UNC13C: variants seen among roughly 807,000 people sequenced by gnomAD.
UNC13C encodes protein unc-13 homolog C.
In UNC13C, 174 loss-of-function variants were observed where a neutral mutation model predicts 245.4. The ratio of observed to expected loss-of-function variants is 0.71; its 90% confidence interval spans 0.63 to 0.80. The LOEUF is 0.80. UNC13C is among the 30% of genes least tolerant of loss of function. The pLI, the probability that UNC13C is intolerant of heterozygous loss-of-function variation, is 0.00. For missense variants in UNC13C, 2,829 were observed against 2,602.9 expected (o/e 1.09, Z -1.89); for synonymous variants, 992 against 895.1 (o/e 1.11, Z -1.93).
At chr15:54,021,037 A>G (rs76608855) in intron 2 of UNC13C, among the ~76,000 whole-genome samples, 2,766 of 152,172 alleles carry the variant, frequency 0.018, 37 homozygotes, top group Non-Finnish European at 0.028. Flanking sequence ...TTTAATTGAC[A>G]TTTTTATTTG....
chr15:54,082,738 C>T (rs866139155), intron 2 of UNC13C, among the ~76,000 whole-genome samples: 4 of 152,070 alleles, frequency 2.6e-5, no homozygotes, highest in Admixed American at 2.0e-4. Context: ...TTTGATGGGA[C>T]TGTTTTTAAT....
intron 2 of UNC13C, among the ~76,000 whole-genome samples, chr15:54,096,518 C>A (rs1474259325): frequency 6.6e-6 from 1 of 152,168 alleles, no homozygotes; most frequent in East Asian, 1.9e-4. Context: ...AATTCTCCAA[C>A]TCTCACGCTT....
intron 2 of UNC13C, among the ~76,000 whole-genome samples, chr15:54,063,741 C>T (rs1897949599): frequency 6.6e-6 from 1 of 152,236 alleles, no homozygotes; most frequent in South Asian, 2.1e-4. Context: ...GAAAGCAATG[C>T]TATGCTTCCA....
At chr15:53,950,851 A>G in the UNC13C span, among the ~76,000 whole-genome samples, 1 of 152,218 alleles carries the variant, frequency 6.6e-6, no homozygotes, top group African/African-American at 2.4e-5. Flanking sequence ...GGTTTCAGGA[A>G]GCCAACTAAG....
intron 19 of UNC13C, among the ~76,000 whole-genome samples, chr15:54,449,775 C>A (rs1040655636): frequency 1.3e-5 from 2 of 152,152 alleles, no homozygotes; most frequent in Admixed American, 1.3e-4. Context: ...TCTCTCAGCT[C>A]ATCAGTCATT....
the UNC13C span, among the ~76,000 whole-genome samples, chr15:53,892,423 T>C: frequency 0.015 from 2,339 of 152,278 alleles, 100 homozygotes; most frequent in East Asian, 0.13. Flanking sequence ...TGTTGGCCTG[T>C]CTTGCTAGGT....
intron 2 of UNC13C, among the ~76,000 whole-genome samples, chr15:54,131,000 G>A (rs1325628385): frequency 6.6e-6 from 1 of 152,164 alleles, no homozygotes; most frequent in African/African-American, 2.4e-5. Context: ...GGGACACTTG[G>A]TGGATGGGAA....
chr15:53,998,537 A>G (rs1894738731), intron 1 of UNC13C, among the ~76,000 whole-genome samples: 1 of 152,076 alleles, frequency 6.6e-6, no homozygotes, highest in Non-Finnish European at 1.5e-5. Flanking sequence ...TAAGATTTTC[A>G]CATAAATACT....
chr15:54,130,985 A>G (rs1252104505), intron 2 of UNC13C, among the ~76,000 whole-genome samples: 1 of 152,190 alleles, frequency 6.6e-6, no homozygotes, highest in Non-Finnish European at 1.5e-5. Context: ...AATGCCTAGA[A>G]CTTAGGGACA....
intron 4 of UNC13C, among the ~76,000 whole-genome samples, chr15:54,147,705 G>GGTGTGTGT (rs10630632): frequency 1.0e-4 from 15 of 149,804 alleles, no homozygotes; most frequent in African/African-American, 2.5e-4. Flanking sequence ...CATCACAAGG[G>GGTGTGTGT]GTGTGTGTGT....
chr15:54,293,683 G>A (rs1175558698), intron 10 of UNC13C, among the ~76,000 whole-genome samples: 1 of 151,912 alleles, frequency 6.6e-6, no homozygotes, highest in Admixed American at 6.6e-5. Flanking sequence ...GATGGAATGG[G>A]ATTTGATTTT....
chr15:54,170,278 G>C (rs898844728), intron 4 of UNC13C, among the ~76,000 whole-genome samples: 1 of 151,954 alleles, frequency 6.6e-6, no homozygotes, highest in Non-Finnish European at 1.5e-5. Context: ...AGATTCTAAT[G>C]ATGAAATTCT....
At chr15:53,991,956 C>A (rs1049943951) in intron 1 of UNC13C, among the ~76,000 whole-genome samples, 5 of 152,026 alleles carry the variant, frequency 3.3e-5, no homozygotes, top group African/African-American at 1.2e-4. Flanking sequence ...ATGGAATATT[C>A]TTGGCTGATA....
At chr15:53,951,518 G>A in the UNC13C span, among the ~76,000 whole-genome samples, 1 of 152,130 alleles carries the variant, frequency 6.6e-6, no homozygotes. Flanking sequence ...TGGTGTAAAC[G>A]GTAAATCACA....
the UNC13C span, among the ~76,000 whole-genome samples, chr15:53,859,726 A>C: frequency 6.6e-6 from 1 of 152,168 alleles, no homozygotes; most frequent in Non-Finnish European, 1.5e-5. Context: ...TACCCAGGGA[A>C]GACAGTTCTA....
chr15:54,267,011 C>T (rs1438662056), intron 10 of UNC13C, among the ~76,000 whole-genome samples: 1 of 152,006 alleles, frequency 6.6e-6, no homozygotes, highest in Non-Finnish European at 1.5e-5. Flanking sequence ...GTTAGCATTC[C>T]ATTTTATTAA....
intron 2 of UNC13C, among the ~76,000 whole-genome samples, chr15:54,099,590 G>A (rs1429876409): frequency 2.0e-5 from 3 of 152,094 alleles, no homozygotes; most frequent in African/African-American, 4.8e-5. Context: ...GAAACTGGAA[G>A]CATTCAGAGG....
At chr15:54,501,515 A>C (rs1894213626) in intron 22 of UNC13C, among the ~76,000 whole-genome samples, 1 of 152,172 alleles carries the variant, frequency 6.6e-6, no homozygotes, top group South Asian at 2.1e-4. Flanking sequence ...CTTAAAATCT[A>C]AAATGGCTTA....
In UNC13C at chr15:54,532,218, C is replaced by A. The variant is rs567213348; in HGVS notation, c.5547-699C>A. On this transcript the variant is annotated intron_variant, in intron 25 of 32. Transcript: ENST00000260323. ...AGACCCCACTGTGAGTTGTTCCCCT[C>A]CACGTGTCCATGCGTTCTCATCATT... is the stretch of plus-strand genomic sequence containing the variant. 1.5e-3 allele frequency among the ~76,000 whole-genome samples: 223 copies of A among 152,238 alleles called. 1 individual carries two copies. The highest frequency in any genetic ancestry group is 2.0e-3 in the Non-Finnish European group (135 of 68,008).
Sources: gnomAD v4.1 joint callset for allele counts (sites outside exome capture counted in the v4.1 genomes callset) on GRCh38, gnomAD v4.1.1 for gene constraint, MANE v1.5 for transcripts, NCBI Gene and HGNC (gene_info 2026-07-23, HGNC 2026-07-21) for gene names.